The following CC2D1A variants were observed in gnomAD, a reference collection of about 807,000 sequenced individuals.
CC2D1A encodes the protein coiled-coil and C2 domain containing 1A, also known as coiled-coil and C2 domain-containing protein 1A.
Under a neutral mutation model 123.8 loss-of-function variants are expected in CC2D1A, and 68 were observed. The observed-to-expected ratio is 0.55, with a 90% confidence interval of 0.45 to 0.67. The LOEUF is 0.67. Among genes scored for constraint, CC2D1A ranks in the 30% least tolerant of loss-of-function variants. The probability of loss-of-function intolerance (pLI) is 0.00; values close to 1 mark genes in which losing one functional copy is unlikely to be tolerated. For missense variants in CC2D1A, 1,185 were observed against 1,290.3 expected (o/e 0.92, Z 1.25); for synonymous variants, 477 against 528.0 (o/e 0.90, Z 1.32).
intron 6 of CC2D1A, 56 bp downstream of exon 6, chr19:13,913,694 A>G: frequency 7.4e-7 from 1 of 1,357,366 alleles, no homozygotes; most frequent in Non-Finnish European, 1.0e-6. Flanking sequence ...ATCTGGCAGG[A>G]TGCTGCTCTA....
In CC2D1A at chr19:13,913,502, G is replaced by GC. The variant is rs1568406823; in HGVS notation, c.614dup (p.Thr206TyrfsTer12). On this transcript the variant is annotated frameshift_variant, in exon 6 of 29. Transcript: ENST00000318003. LOFTEE classifies it high-confidence loss of function. ...CCATAGGAAAAGGCCCGGCGTCCAC[G>GC]CCTACCTACAGCCCTGCACCCACCC... 1.2e-6 allele frequency: 2 copies of GC among 1,614,156 alleles called. No individual in the cohort carries two copies. Among genetic ancestry groups the GC allele is most frequent in the Non-Finnish European group, 1.7e-6 (2 of 1,180,042 alleles).
intron 2 of CC2D1A, among the ~76,000 whole-genome samples, chr19:13,910,389 C>G (rs766588010): frequency 2.5e-5 from 3 of 119,206 alleles, no homozygotes; most frequent in African/African-American, 3.4e-5. Context: ...GCCTGGGCGA[C>G]AGAGCAAGAC....
intron 22 of CC2D1A, 80 bp downstream of exon 22, chr19:13,927,345 G>A (rs1971679972): frequency 8.2e-6 from 10 of 1,224,434 alleles, no homozygotes; most frequent in African/African-American, 7.4e-5. Context: ...CCTGCCTTGA[G>A]CCCTCTATGA....
intron 17 of CC2D1A, among the ~76,000 whole-genome samples, chr19:13,924,631 A>G (rs1409984909): frequency 1.3e-5 from 2 of 151,928 alleles, no homozygotes; most frequent in East Asian, 3.9e-4. Context: ...CACCATGCCC[A>G]GCTAATTTTT....
chr19:13,916,716 G>A (rs1971222430), intron 6 of CC2D1A, among the ~76,000 whole-genome samples: 1 of 152,054 alleles, frequency 6.6e-6, no homozygotes, highest in South Asian at 2.1e-4. Flanking sequence ...AATGTCAAAG[G>A]TGTGTCACTT....
chr19:13,919,011 G>T lies in CC2D1A; in HGVS notation c.1118G>T (p.Arg373Leu), dbSNP rs1482409302. 2 of 1,608,284 alleles carry T rather than the reference G, an allele frequency of 1.2e-6. No homozygotes were observed. Among genetic ancestry groups the T allele is most frequent in the Admixed American group, 1.7e-5 (1 of 59,276 alleles). ...AAQAKSKGDQ[R>L]KARMHERIVK... is the part of the protein sequence containing the mutation. ...CAGGCCAAGAGCAAGGGGGACCAGC[G>T]GAAAGCTCGAATGCACGAGCGCATC... Residue 373 changes from arginine (R) to leucine (L), a missense_variant, in exon 10 of 29, where the codon CGG (arginine) becomes CTG (leucine). By Grantham distance (102) the Arg-to-Leu change is moderately radical. Transcript: ENST00000318003.
intron 4 of CC2D1A, 56 bp downstream of exon 4, chr19:13,912,649 T>C: frequency 6.4e-7 from 1 of 1,572,450 alleles, no homozygotes; most frequent in Non-Finnish European, 8.7e-7. Context: ...CAGCCCGGGG[T>C]TCAAGACCTA....
chr19:13,929,210 T>C (rs1288696939), intron 24 of CC2D1A, among the ~76,000 whole-genome samples, 169 bp from the exon 25 acceptor site: 1 of 151,942 alleles, frequency 6.6e-6, no homozygotes, highest in South Asian at 2.1e-4. Context: ...TTTCACCATA[T>C]TGGCCAGGCT....
Position 13,909,814 on chromosome 19 carries a change from T to G in CC2D1A, c.61-9T>G. The G allele has an allele frequency of 6.3e-7, 1 of 1,593,252 alleles. No homozygotes were observed. The highest frequency in any genetic ancestry group is 1.3e-5 in the African/African-American group (1 of 74,592). On this transcript the variant is annotated splice_polypyrimidine_tract_variant and intron_variant, in intron 1 of 28. Transcript: ENST00000318003. ...CAAAGGTCTGACTGAACCCTTGCTG[T>G]TCCCCTAGCTGGGCCTGCTGGTTGA... is the stretch of plus-strand genomic sequence containing the variant.
At chr19:13,922,685 C>A (rs1971449585) in intron 14 of CC2D1A, among the ~76,000 whole-genome samples, 1 of 152,196 alleles carries the variant, frequency 6.6e-6, no homozygotes, top group Non-Finnish European at 1.5e-5. Flanking sequence ...GTTCTCTCTT[C>A]TTCATCCTTG....
rs1285679781 is a variant in CC2D1A at position 13,923,797 on chromosome 19, C to T, written c.1926C>T (p.Thr642=). 3.7e-6 allele frequency: 6 copies of T among 1,613,338 alleles called. No homozygotes were observed. The highest frequency in any genetic ancestry group is 5.1e-6 in the Non-Finnish European group (6 of 1,179,422). The change falls in exon 17 of 29, where the codon ACC becomes ACT. Residue 642 remains threonine (T), a synonymous_variant. Transcript: ENST00000318003. This position sits in a 1 kb window ranked among gnomAD's most constrained non-coding sequence, Gnocchi z 5.3. ...CCACCGCCCGCTTTGAGCAAAGGAC[C>T]TTCAGCGTCATCAAGTAAGGCTCCT... is the stretch of plus-strand genomic sequence containing the variant. The part of the protein sequence containing the change: ...PTPTARFEQR[T]FSVIKIFPDL...
In CC2D1A at chr19:13,923,500, C is replaced by T. The variant is rs201757673; in HGVS notation, c.1764+45C>T. ...CCCATCCCCCAGGAGCGTGACCCTC[C>T]TTCCCCTCTCTTCCCTTCCCTCGAC... On this transcript the variant is annotated intron_variant, in intron 15 of 28. Coordinates refer to ENST00000318003, the MANE Select transcript of CC2D1A (RefSeq NM_017721.5). This position sits in a 1 kb window ranked among gnomAD's most constrained non-coding sequence, Gnocchi z 5.3. 1.4e-4 allele frequency: 233 copies of T among 1,613,950 alleles called. No individual in the cohort carries two copies. Among genetic ancestry groups the T allele is most frequent in the Non-Finnish European group, 1.8e-4 (215 of 1,179,948 alleles).
At position 13,913,268 on chromosome 19, in the gene CC2D1A, G is replaced by C. The variant is rs777668733; in HGVS notation, c.479G>C (p.Ser160Thr). The C allele has an allele frequency of 6.2e-7, 1 of 1,613,658 alleles. No individual in the cohort carries two copies. Among genetic ancestry groups the C allele is most frequent in the Non-Finnish European group, 8.5e-7 (1 of 1,179,868 alleles). ...AIESARQAGD[S>T]AKMRRYDRGL... ...GAAAGCGCCAGACAAGCTGGAGACA[G>C]CGCCAAGATGCGGCGCTACGATCGG... Residue 160 changes from serine to threonine, a missense_variant, in exon 5 of 29, where the codon AGC (serine) becomes ACC (threonine). Coordinates refer to ENST00000318003, the MANE Select transcript of CC2D1A (RefSeq NM_017721.5).
intron 5 of CC2D1A, 42 bp from the exon 6 acceptor site, chr19:13,913,362 G>A: frequency 7.5e-6 from 12 of 1,608,622 alleles, no homozygotes; most frequent in Non-Finnish European, 1.0e-5. Context: ...CCTGCACCAA[G>A]CTCTTGGCTT....
At chr19:13,921,064 G>C in intron 14 of CC2D1A, 142 bp downstream of exon 14, 1 of 808,264 alleles carries the variant, frequency 1.2e-6, no homozygotes, top group Non-Finnish European at 1.9e-6. Flanking sequence ...TGGCTGAAAG[G>C]AGACAGACAT....
In CC2D1A at chr19:13,919,051, G is replaced by T; in HGVS notation, c.1149+9G>T. 1.2e-6 allele frequency: 2 copies of T among 1,604,336 alleles called. No individual in the cohort carries two copies. Among genetic ancestry groups the T allele is most frequent in the Non-Finnish European group, 1.7e-6 (2 of 1,174,340 alleles). ...ACGAGCGCATCGTCAAGGTGCCCTG[G>T]GGGTTCCGGGGGAGGTGGGGCGAGT... On this transcript the variant is annotated intron_variant, in intron 10 of 28. Coordinates refer to ENST00000318003, the MANE Select transcript of CC2D1A (RefSeq NM_017721.5).
chr19:13,923,403 A>G lies in CC2D1A; in HGVS notation c.1712A>G (p.Glu571Gly). ...CGGCCTGGCCCGGGTCTGTCTCAGG[A>G]GGCCGCCCGGCGCTATGGTGAACTC... The part of the protein sequence containing the change: ...VQRPGPGLSQ[E>G]AARRYGELTK... The change falls in exon 15 of 29, where the codon GAG (glutamate) becomes GGG (glycine). Residue 571 changes from glutamate to glycine, a missense_variant. By Grantham distance (98) the Glu-to-Gly change is moderately conservative. Transcript: ENST00000318003. This position sits in a 1 kb window ranked among gnomAD's most constrained non-coding sequence, Gnocchi z 5.3. The G allele has an allele frequency of 3.1e-6, 5 of 1,613,410 alleles. No homozygotes were observed. Among genetic ancestry groups the G allele is most frequent in the Non-Finnish European group, 4.2e-6 (5 of 1,179,992 alleles).
At chr19:13,929,953 G>A in intron 26 of CC2D1A, 125 bp from the exon 27 acceptor site, 1 of 814,534 alleles carries the variant, frequency 1.2e-6, no homozygotes, top group Non-Finnish European at 2.0e-6. Context: ...ATGGGCACCT[G>A]GAGGGGGAGG....
rs532550716 is a variant in CC2D1A, at chr19:13,913,269, C to T, written c.480C>T (p.Ser160=). ...AIESARQAGD[S]AKMRRYDRGL... Reference sequence around the variant, plus strand: ...AAAGCGCCAGACAAGCTGGAGACAGCGCCAAGATGCGGCGCTACGATCGGG... The same window carrying T: ...AAAGCGCCAGACAAGCTGGAGACAGTGCCAAGATGCGGCGCTACGATCGGG... Residue 160 remains serine (S), a synonymous_variant, in exon 5 of 29, where the codon AGC becomes AGT. Coordinates refer to ENST00000318003, the MANE Select transcript of CC2D1A (RefSeq NM_017721.5). The T allele has an allele frequency of 6.0e-5, 97 of 1,613,610 alleles. No homozygotes were observed. The highest frequency in any genetic ancestry group is 4.8e-4 in the South Asian group (44 of 91,012).
Sources: gnomAD v4.1 joint callset for allele counts (sites outside exome capture counted in the v4.1 genomes callset) on GRCh38, gnomAD v4.1.1 for gene constraint, Gnocchi (gnomAD v3.1) non-coding constraint, MANE v1.5 for transcripts, NCBI Gene and HGNC (gene_info 2026-07-23, HGNC 2026-07-21) for gene names.